SEC16A: variants seen among roughly 807,000 people sequenced by gnomAD.
The protein encoded by SEC16A is protein transport protein Sec16A.
SEC16A carries 110 observed loss-of-function variants against 221.9 expected under a neutral mutation model. That is an observed-to-expected ratio of 0.50 (90% CI 0.42 to 0.58). The LOEUF is 0.58. Among genes scored for constraint, SEC16A ranks in the 20% least tolerant of loss-of-function variants. SEC16A has a pLI of 0.00. For missense variants in SEC16A, 3,165 were observed against 3,097.8 expected (o/e 1.02, Z -0.52); for synonymous variants, 1,393 against 1,257.7 (o/e 1.11, Z -2.28).
At chr9:136,468,616 A>C (rs940347915) in intron 4 of SEC16A, 104 bp from the exon 5 acceptor site, 87 of 682,730 alleles carry the variant, frequency 1.3e-4, no homozygotes, top group Non-Finnish European at 1.7e-4. Flanking sequence ...TCATCAAAGC[A>C]CTTTGGTTGT....
Position 136,441,664 on chromosome 9 carries a change from G to T in SEC16A, c.*91C>A. On this transcript the variant is annotated 3_prime_UTR_variant, in exon 32 of 32. Transcript: ENST00000684901. Reference sequence around the variant, plus strand: ...TCTGAGTCACTGCTGTGTCTCCCTGGGGGCGGGACGGAGATCGCGGAGGTC... The same window carrying T: ...TCTGAGTCACTGCTGTGTCTCCCTGTGGGCGGGACGGAGATCGCGGAGGTC... 9.0e-7 allele frequency: 1 copy of T among 1,117,306 alleles called. No homozygotes were observed. Among genetic ancestry groups the T allele is most frequent in the East Asian group, 2.4e-5 (1 of 40,946 alleles). 69.2% of individuals were successfully genotyped at this position (1,117,306 alleles called of 1,614,324 possible). A position where few individuals can be genotyped will look rare whatever the true frequency, so the allele number is the denominator to read the frequency against.
intron 23 of SEC16A, among the ~76,000 whole-genome samples, chr9:136,450,277 T>G (rs1219379271): frequency 1.3e-5 from 2 of 151,656 alleles, no homozygotes; most frequent in Non-Finnish European, 2.9e-5. Flanking sequence ...GGAGAAGATA[T>G]CACAATAAAT....
rs369863840 is a variant in SEC16A at position 136,471,992 on chromosome 9, C to A, written c.3687G>T (p.Ser1229=). Residue 1229 remains serine, a synonymous_variant, in exon 4 of 32, where the codon TCG becomes TCT. Transcript: ENST00000684901. ...GGCCGCACCTGGGAGGTGGCCGTTC[C>A]GAGGAGTGGCTGGCTCGGGAGCTGG... is the stretch of plus-strand genomic sequence containing the variant. The part of the protein sequence containing the change: ...ERPSSRASHS[S]ERPPPRQGYP... The A allele has an allele frequency of 6.2e-7, 1 of 1,612,262 alleles. No individual in the cohort carries two copies. Among genetic ancestry groups the A allele is most frequent in the Non-Finnish European group, 8.5e-7 (1 of 1,179,842 alleles).
At position 136,472,099 on chromosome 9, in the gene SEC16A, G is replaced by A; in HGVS notation, c.3580C>T (p.Leu1194Phe). The A allele has an allele frequency of 1.2e-6, 2 of 1,613,716 alleles. No individual in the cohort carries two copies. Among genetic ancestry groups the A allele is most frequent in the South Asian group, 1.1e-5 (1 of 91,084 alleles). ...ASLYYQDVYS[L>F]YEPRYRPYDG... ...TAGGGCCTGTATCGAGGCTCATAGA[G>A]GCTGTAGACATCCTGTGGGAGGAAG... is the stretch of plus-strand genomic sequence containing the variant. Residue 1194 changes from leucine to phenylalanine, a missense_variant, in exon 4 of 32, where the codon CTC (leucine) becomes TTC (phenylalanine). Physicochemically the swap from Leu to Phe is conservative, Grantham distance 22. Around this residue, in one of 3 missense-constraint regions of SEC16A, gnomAD observed 2,030 missense variants for 1,923.1 expected, o/e 1.06. Coordinates refer to ENST00000684901, the MANE Select transcript of SEC16A (RefSeq NM_014866.2).
rs1564500189 is a variant in SEC16A, at chr9:136,463,756, C to T, written c.4447-16G>A. 6 of 1,611,158 alleles carry T rather than the reference C, an allele frequency of 3.7e-6. No homozygotes were observed. The highest frequency in any genetic ancestry group is 2.2e-4 in the Middle Eastern group (1 of 4,578). On this transcript the variant is annotated splice_polypyrimidine_tract_variant and intron_variant, in intron 9 of 31. Transcript: ENST00000684901. ...GCAGCAAGGCCTACGAGGAGAGGGCCGTGGGTCAGTGGCAGCCAGTGCGCA... is the reference window on the plus strand; with the variant it reads ...GCAGCAAGGCCTACGAGGAGAGGGCTGTGGGTCAGTGGCAGCCAGTGCGCA...
At chr9:136,461,006 T>G (rs912422883) in intron 13 of SEC16A, among the ~76,000 whole-genome samples, 171 bp downstream of exon 13, 36 of 152,330 alleles carry the variant, frequency 2.4e-4, no homozygotes, top group African/African-American at 7.9e-4. Flanking sequence ...CTTTTTAAGC[T>G]CTCCACAACA....
At chr9:136,477,921 A>G (rs1297995720) in intron 2 of SEC16A, among the ~76,000 whole-genome samples, 1 of 152,044 alleles carries the variant, frequency 6.6e-6, no homozygotes, top group South Asian at 2.1e-4. Context: ...CTGATGGAGT[A>G]TGTCTAGATG....
At chr9:136,460,495 T>A (rs78950157) in intron 13 of SEC16A, among the ~76,000 whole-genome samples, 18,176 of 151,730 alleles carry the variant, frequency 0.12, 1,404 homozygotes, top group Admixed American at 0.24. Context: ...ATAAATTTTT[T>A]AAAAAATCAG....
chr9:136,454,743 G>A (rs1192083487), intron 20 of SEC16A, among the ~76,000 whole-genome samples: 2 of 152,258 alleles, frequency 1.3e-5, no homozygotes, highest in East Asian at 3.8e-4. Flanking sequence ...CCAGCACCAT[G>A]CTGGGCCCTG....
At chr9:136,456,729 C>T (rs987180030) in intron 18 of SEC16A, among the ~76,000 whole-genome samples, 3 of 152,188 alleles carry the variant, frequency 2.0e-5, no homozygotes, top group Non-Finnish European at 4.4e-5. Flanking sequence ...GCAACACGGG[C>T]GCCTCCCATA....
chr9:136,476,565 G>C lies in SEC16A; in HGVS notation c.1051C>G (p.Leu351Val). ...DSPENRTHHPLGAGAGSGCAP... is the reference protein window; with the variant it reads ...DSPENRTHHPVGAGAGSGCAP... The stretch of plus-strand genomic sequence containing the variant: ...CAGCCAGACCCGGCCCCAGCCCCCA[G>C]TGGGTGGTGCGTACGGTTTTCTGGG... The change falls in exon 3 of 32, where the codon CTG (leucine) becomes GTG (valine). Residue 351 changes from leucine to valine, a missense_variant. This residue lies in a region of SEC16A where 2,030 missense variants were observed against 1,923.1 expected (regional missense o/e 1.06). Transcript: ENST00000684901. 3.1e-6 allele frequency: 5 copies of C among 1,610,686 alleles called. No individual in the cohort carries two copies. The highest frequency in any genetic ancestry group is 4.2e-6 in the Non-Finnish European group (5 of 1,177,708).
At position 136,456,425 on chromosome 9, in the gene SEC16A, C is replaced by T. The variant is rs115176903; in HGVS notation, c.5551-259G>A. ...GCACCCCCCTGGAACAGGCCTGGCC[C>T]GAGACTACCACCTGACCACGTGGAC... On this transcript the variant is annotated intron_variant, in intron 18 of 31. Coordinates refer to ENST00000684901, the MANE Select transcript of SEC16A (RefSeq NM_014866.2). Among the ~76,000 whole-genome samples, 7 of 152,282 alleles carry T rather than the reference C, an allele frequency of 4.6e-5. No homozygotes were observed. The South Asian group carries it at 6.2e-4, about 14-fold the overall frequency.
At chr9:136,481,324 G>C (rs1279383679) in intron 1 of SEC16A, among the ~76,000 whole-genome samples, 1 of 151,866 alleles carries the variant, frequency 6.6e-6, no homozygotes, top group Non-Finnish European at 1.5e-5. Context: ...ATTTTCAGTA[G>C]AGACGGGGTT....
Position 136,476,172 on chromosome 9 carries a change from A to T in SEC16A, c.1444T>A (p.Ser482Thr), listed in dbSNP as rs2132930625. ...CCATATCTGAACTGGTCACTCGGGG[A>T]GGAAGGGTCCAAATTGAGGGGCTCA... Reference protein sequence around the residue: ...PSEPLNLDPSSPSDQFRYGPL... With the variant: ...PSEPLNLDPSTPSDQFRYGPL... The change falls in exon 3 of 32, where the codon TCC becomes ACC. Residue 482 changes from serine (S) to threonine (T), a missense_variant. Ser to Thr is a moderately conservative substitution (Grantham distance 58). This residue lies in a region of SEC16A where 2,030 missense variants were observed against 1,923.1 expected (regional missense o/e 1.06). Transcript: ENST00000684901. 6.2e-7 allele frequency: 1 copy of T among 1,613,842 alleles called. No individual in the cohort carries two copies. Among genetic ancestry groups the T allele is most frequent in the East Asian group, 2.2e-5 (1 of 44,882 alleles).
In SEC16A at chr9:136,466,062, G is replaced by A. The variant is rs767095293; in HGVS notation, c.4203C>T (p.Gly1401=). The change falls in exon 8 of 32, where the codon GGC becomes GGT. Residue 1401 remains glycine, a synonymous_variant. Coordinates refer to ENST00000684901, the MANE Select transcript of SEC16A (RefSeq NM_014866.2). This position sits in a 1 kb window ranked among gnomAD's most constrained non-coding sequence, Gnocchi z 5.5. ...TGCGGTAGGTGCCGTAGGCAAAATC[G>A]CCGTGAAAGGAGCCTGGAGGAAGCG... is the stretch of plus-strand genomic sequence containing the variant. The part of the protein sequence containing the change: ...EAPLPPGSFH[G]DFAYGTYRSN... 50 of 1,613,142 alleles carry A rather than the reference G, an allele frequency of 3.1e-5. 1 individual carries two copies. The highest frequency in any genetic ancestry group is 1.6e-4 in the Middle Eastern group (1 of 6,080).
chr9:136,454,063 A>G, intron 21 of SEC16A, 46 bp downstream of exon 21: 1 of 1,481,920 alleles, frequency 6.7e-7, no homozygotes, highest in Non-Finnish European at 9.2e-7. Flanking sequence ...CAAACACCAC[A>G]CCCCATGCTG....
intron 12 of SEC16A, 50 bp downstream of exon 12, chr9:136,462,837 C>A: frequency 6.3e-7 from 1 of 1,580,324 alleles, no homozygotes; most frequent in Non-Finnish European, 8.5e-7. Context: ...GCACCAGGCC[C>A]GACCCAGTGG....
At position 136,454,139 on chromosome 9, in the gene SEC16A, A is replaced by G. The variant is rs1184249109; in HGVS notation, c.6046T>C (p.Leu2016=). The G allele has an allele frequency of 6.4e-7, 1 of 1,553,448 alleles. No homozygotes were observed. The highest frequency in any genetic ancestry group is 8.7e-7 in the Non-Finnish European group (1 of 1,148,318). Residue 2016 remains leucine, a synonymous_variant, in exon 21 of 32, where the codon TTG becomes CTG. Transcript: ENST00000684901. ...TCTGGGCTCCTGGCTTCCTGGAGCA[A>G]GTGTCTCCTTTCCTGCAGAGGTGGC... is the stretch of plus-strand genomic sequence containing the variant. ...GVPPLQERRH[L]LQEARSPDPG...
intron 5 of SEC16A, 55 bp from the exon 6 acceptor site, chr9:136,467,138 C>T: frequency 6.2e-7 from 1 of 1,601,068 alleles, no homozygotes; most frequent in Non-Finnish European, 8.5e-7. Context: ...AGAAATGCCT[C>T]AGATATCACT....
Sources: gnomAD v4.1 joint callset for allele counts (sites outside exome capture counted in the v4.1 genomes callset) on GRCh38, gnomAD v4.1.1 for gene constraint, gnomAD v4.1.1 regional missense constraint, Gnocchi (gnomAD v3.1) non-coding constraint, MANE v1.5 for transcripts, NCBI Gene and HGNC (gene_info 2026-07-23, HGNC 2026-07-21) for gene names.